RARB: variants seen among roughly 807,000 people sequenced by gnomAD.
RARB encodes HBV-activated protein.
In RARB, 17 loss-of-function variants were observed where a neutral mutation model predicts 51.9. That is an observed-to-expected ratio of 0.33 (90% CI 0.22 to 0.49). The LOEUF (loss-of-function observed/expected upper bound fraction) is 0.49. RARB is among the 20% of genes least tolerant of loss of function. The pLI is 0.99. For missense variants in RARB, 369 were observed against 550.8 expected, an observed-to-expected ratio of 0.67 and a Z score of 3.30; for synonymous variants, 215 against 195.4, an observed-to-expected ratio of 1.10 and a Z score of -0.84.
intron 5 of RARB, among the ~76,000 whole-genome samples, chr3:25,295,252 A>G (rs1413506774): frequency 6.6e-6 from 1 of 152,170 alleles, no homozygotes; most frequent in Non-Finnish European, 1.5e-5. Flanking sequence ...GTTGAAATCC[A>G]GTCCCCAATG....
chr3:25,196,325 G>C lies in RARB; in HGVS notation c.178+21750G>C, dbSNP rs1031851843. ...TATGAGTGAGAACATGTAGTGTTTGGTTTTCTGTCCTTGTGATAGTTTGCT... is the reference window on the plus strand; with the variant it reads ...TATGAGTGAGAACATGTAGTGTTTGCTTTTCTGTCCTTGTGATAGTTTGCT... On this transcript the variant is annotated intron_variant, in intron 5 of 11. Coordinates refer to the RARB transcript ENST00000383772. Among the ~76,000 whole-genome samples the C allele has an allele frequency of 5.5e-4, 83 of 151,952 alleles. 2 individuals are homozygous for C. The highest frequency in any genetic ancestry group is 3.9e-4 in the Admixed American group (6 of 15,248).
chr3:25,049,155 G>T (rs1698277220), intron 2 of RARB, among the ~76,000 whole-genome samples: 1 of 152,314 alleles, frequency 6.6e-6, no homozygotes, highest in Non-Finnish European at 1.5e-5. Context: ...TGTGGATTAG[G>T]CTAGGTCGAA....
At chr3:25,122,815 T>G (rs1221630471) in intron 3 of RARB, among the ~76,000 whole-genome samples, 1 of 152,116 alleles carries the variant, frequency 6.6e-6, no homozygotes, top group Non-Finnish European at 1.5e-5. Flanking sequence ...ACACACAGAA[T>G]ATTCTCACAT....
intron 2 of RARB, among the ~76,000 whole-genome samples, chr3:24,931,395 C>T (rs1051588230): frequency 2.6e-5 from 4 of 151,972 alleles, no homozygotes; most frequent in African/African-American, 4.8e-5. Context: ...TTTCTCTGTA[C>T]TTCCCCTTTA....
chr3:24,994,115 C>A (rs2125436942), intron 2 of RARB, among the ~76,000 whole-genome samples: 1 of 152,258 alleles, frequency 6.6e-6, no homozygotes, highest in East Asian at 1.9e-4. Context: ...AGTTTACATT[C>A]CCACCAATGG....
At chr3:25,323,892 C>A (rs77291579) in intron 5 of RARB, among the ~76,000 whole-genome samples, 2,394 of 152,222 alleles carry the variant, frequency 0.016, 60 homozygotes, top group African/African-American at 0.051. Context: ...TCTTAAACAC[C>A]ATTCACATTC....
chr3:25,273,608 C>T (rs1480760278), intron 5 of RARB, among the ~76,000 whole-genome samples: 1 of 152,166 alleles, frequency 6.6e-6, no homozygotes, highest in African/African-American at 2.4e-5. Context: ...TTTGTGACAG[C>T]AGGCAGAAGG....
intron 1 of RARB, among the ~76,000 whole-genome samples, chr3:24,840,742 T>TAAA (rs55771334): frequency 4.3e-5 from 3 of 70,362 alleles, no homozygotes; most frequent in East Asian, 3.9e-4. Flanking sequence ...TGAGTAAGAG[T>TAAA]AAAAAAAAAA....
intron 2 of RARB, among the ~76,000 whole-genome samples, chr3:25,039,058 A>C (rs1698060492): frequency 6.6e-6 from 1 of 152,186 alleles, no homozygotes. Flanking sequence ...TTGTTGACAT[A>C]ATTTCTGGCA....
chr3:25,211,418 C>G (rs993009498), intron 5 of RARB, among the ~76,000 whole-genome samples: 1 of 152,060 alleles, frequency 6.6e-6, no homozygotes, highest in African/African-American at 2.4e-5. Context: ...TTTAAAAGCA[C>G]CATTAGAAGA....
In RARB at chr3:24,831,779, G is replaced by A. The variant is rs563324107; in HGVS notation, c.-459+2376G>A. Among the ~76,000 whole-genome samples the A allele has an allele frequency of 2.0e-5, 3 of 152,146 alleles. 1 individual carries two copies. In the South Asian group the frequency reaches 6.2e-4, roughly 32 times the overall value. ...TCCTTATTTTATTTAACTTGGCTCA[G>A]GTAGCTTTAACAATATATACGTAAT... On this transcript the variant is annotated intron_variant, in intron 1 of 11. Coordinates refer to the RARB transcript ENST00000383772.
At chr3:25,404,912 G>T (rs1707366357) in intron 5 of RARB, among the ~76,000 whole-genome samples, 1 of 151,982 alleles carries the variant, frequency 6.6e-6, no homozygotes, top group Non-Finnish European at 1.5e-5. Context: ...AACCCAGTAG[G>T]TCTCATGCCC....
At chr3:25,217,174 C>A (rs546089174) in intron 5 of RARB, among the ~76,000 whole-genome samples, 8 of 152,252 alleles carry the variant, frequency 5.3e-5, no homozygotes, top group Admixed American at 2.0e-4. Context: ...AGAGAAACTT[C>A]CTCTCATCTA....
At chr3:25,159,996 G>A (rs1195418648) in intron 4 of RARB, among the ~76,000 whole-genome samples, 2 of 152,086 alleles carry the variant, frequency 1.3e-5, no homozygotes, top group East Asian at 3.9e-4. Context: ...GACAGCAAAG[G>A]AAATTCTTAA....
At chr3:25,170,966 A>G (rs1338121710) in intron 4 of RARB, among the ~76,000 whole-genome samples, 1 of 152,176 alleles carries the variant, frequency 6.6e-6, no homozygotes, top group Non-Finnish European at 1.5e-5. Flanking sequence ...TCAAAGGCAG[A>G]TTATTGCATA....
intron 5 of RARB, among the ~76,000 whole-genome samples, chr3:25,332,671 G>T (rs1343321406): frequency 6.6e-6 from 1 of 152,156 alleles, no homozygotes; most frequent in African/African-American, 2.4e-5. Context: ...GGAAGTTCTG[G>T]CCAGGGCAAT....
intron 5 of RARB, among the ~76,000 whole-genome samples, chr3:25,181,530 G>T (rs1256119502): frequency 4.6e-5 from 7 of 152,154 alleles, no homozygotes; most frequent in African/African-American, 1.4e-4. Flanking sequence ...GTGGGCAGAA[G>T]CTAGGAGGCT....
intron 2 of RARB, among the ~76,000 whole-genome samples, chr3:24,994,102 A>G (rs1435892807): frequency 6.6e-6 from 1 of 152,156 alleles, no homozygotes; most frequent in Non-Finnish European, 1.5e-5. Context: ...TGGTGGCTGT[A>G]CTAGTTTACA....
At chr3:25,432,530 T>C (rs1478621083) in intron 1 of RARB, among the ~76,000 whole-genome samples, 1 of 152,196 alleles carries the variant, frequency 6.6e-6, no homozygotes, top group Non-Finnish European at 1.5e-5. Context: ...ATCAGAAGTT[T>C]CCTTCTCATT....
Sources: allele counts gnomAD v4.1 joint callset (sites outside exome capture counted in the v4.1 genomes callset), GRCh38; gene constraint gnomAD v4.1.1; transcripts MANE v1.5; gene names NCBI Gene and HGNC (gene_info 2026-07-23, HGNC 2026-07-21).